C16orf96: variants seen among roughly 807,000 people sequenced by gnomAD.
C16orf96 encodes the protein uncharacterized protein C16orf96.
C16orf96 carries 108 observed loss-of-function variants against 103.6 expected under a neutral mutation model. That is an observed-to-expected ratio of 1.04 (90% CI 0.89 to 1.22). The LOEUF (loss-of-function observed/expected upper bound fraction) is 1.22. Among genes scored for constraint, C16orf96 ranks in the 50% most tolerant of loss-of-function variants. C16orf96 has a pLI of 0.00. For synonymous variants in C16orf96, 566 were observed against 593.5 expected, an observed-to-expected ratio of 0.95 and a Z score of 0.67; for missense variants, 1,586 against 1,464.2, an observed-to-expected ratio of 1.08 and a Z score of -1.36.
rs1354036914 is a variant in C16orf96, at chr16:4,587,112, AG to A, written c.2427+1del. 6.4e-7 allele frequency: 1 copy of A among 1,551,354 alleles called. No homozygotes were observed. Among genetic ancestry groups the A allele is most frequent in the East Asian group, 2.4e-5 (1 of 40,926 alleles). On this transcript the variant is annotated frameshift_variant and splice_region_variant, in exon 8 of 16. Transcript: ENST00000444310. LOFTEE classifies it high-confidence loss of function. ...NKSTMEEELR[E>X]KADRSALAGK... ...AGCACGATGGAGGAGGAGCTGAGAG[AG>A]GTGAGTGAGCAGAGGTTCCTCTGCC...
intron 14 of C16orf96, among the ~76,000 whole-genome samples, chr16:4,597,093 A>C (rs918286467): frequency 1.3e-5 from 2 of 152,144 alleles, no homozygotes; most frequent in African/African-American, 4.8e-5. Flanking sequence ...TTTGGGGAGC[A>C]CATTCAACAC....
In C16orf96 at chr16:4,591,783, A is replaced by G. The variant is rs1341425742; in HGVS notation, c.2710A>G (p.Arg904Gly). Reference sequence around the variant, plus strand: ...TCCTGACAGTGCTGCTGGCTTTAGGAGGTGAGTGCCCGCCCGAGCCCCTCC... The same window carrying G: ...TCCTGACAGTGCTGCTGGCTTTAGGGGGTGAGTGCCCGCCCGAGCCCCTCC... ...LDPDSAAGFR[R>G]KLFKRVKCIS... Residue 904 changes from arginine (R) to glycine (G), a missense_variant and splice_region_variant, in exon 10 of 16, where the codon AGG becomes GGG. Arg to Gly is a moderately radical substitution (Grantham distance 125, BLOSUM62 -2). Coordinates refer to ENST00000444310, the MANE Select transcript of C16orf96 (RefSeq NM_001145011.2). 5.8e-6 allele frequency: 9 copies of G among 1,543,394 alleles called. No individual in the cohort carries two copies. The highest frequency in any genetic ancestry group is 7.9e-6 in the Non-Finnish European group (9 of 1,144,038).
At chr16:4,599,825 TG>T (rs1486599336) in intron 15 of C16orf96, among the ~76,000 whole-genome samples, 3 of 152,228 alleles carry the variant, frequency 2.0e-5, no homozygotes, top group Non-Finnish European at 4.4e-5. Flanking sequence ...AGCTGGGAGC[TG>T]AGCCCAGATC....
intron 15 of C16orf96, 83 bp from the exon 16 acceptor site, chr16:4,600,017 T>C (rs1897250078): frequency 3.8e-6 from 5 of 1,329,728 alleles, no homozygotes; most frequent in Non-Finnish European, 5.2e-6. Flanking sequence ...TTCTCTTCTC[T>C]TTAGTGGGGA....
chr16:4,561,875 A>G (rs2059335906), intron 1 of C16orf96, among the ~76,000 whole-genome samples: 1 of 152,248 alleles, frequency 6.6e-6, no homozygotes, highest in African/African-American at 2.4e-5. Context: ...TGCCTCCTTC[A>G]GGCCTCGGTT....
At position 4,587,103 on chromosome 16, in the gene C16orf96, A is replaced by G. The variant is rs1442472391; in HGVS notation, c.2417A>G (p.Glu806Gly). The G allele has an allele frequency of 1.9e-6, 3 of 1,551,496 alleles. No homozygotes were observed. The South Asian group carries it at 3.6e-5, about 18-fold the overall frequency. ...GTGAATAAGAGCACGATGGAGGAGG[A>G]GCTGAGAGAGGTGAGTGAGCAGAGG... ...NKVNKSTMEEELREKADRSAL... is the reference protein window; with the variant it reads ...NKVNKSTMEEGLREKADRSAL... The change falls in exon 8 of 16, where the codon GAG becomes GGG. Residue 806 changes from glutamate (E) to glycine (G), a missense_variant. Coordinates refer to ENST00000444310, the MANE Select transcript of C16orf96 (RefSeq NM_001145011.2).
chr16:4,552,171 T>A (rs2059231980), upstream of C16orf96, among the ~76,000 whole-genome samples: 1 of 152,242 alleles, frequency 6.6e-6, no homozygotes, highest in East Asian at 1.9e-4. Flanking sequence ...ATGTATGTAA[T>A]TCCGCTCAAT....
chr16:4,599,137 C>T (rs1413464549), intron 14 of C16orf96, 147 bp from the exon 15 acceptor site: 1 of 631,064 alleles, frequency 1.6e-6, no homozygotes, highest in East Asian at 2.9e-5. Flanking sequence ...GAGGGAAGAA[C>T]ATTGATTATC....
At chr16:4,554,419 C>T (rs377642814), upstream of C16orf96, among the ~76,000 whole-genome samples, 6 of 150,082 alleles carry the variant, frequency 4.0e-5, no homozygotes, top group African/African-American at 7.4e-5. Context: ...GGTGCGGTCT[C>T]GGTTCACTGC....
At chr16:4,555,202 G>GCAGT (rs369073213), upstream of C16orf96, among the ~76,000 whole-genome samples, 1,741 of 151,172 alleles carry the variant, frequency 0.012, 41 homozygotes, top group African/African-American at 0.039. Context: ...GGCGGAGGTT[G>GCAGT]CAGTGAGCGG....
chr16:4,545,414 CT>C, the C16orf96 span, among the ~76,000 whole-genome samples: 1 of 152,168 alleles, frequency 6.6e-6, no homozygotes, highest in Non-Finnish European at 1.5e-5. Flanking sequence ...CTGGTGTCAA[CT>C]TCCTGAGCTC....
At chr16:4,548,224 G>C in the C16orf96 span, among the ~76,000 whole-genome samples, 1 of 152,090 alleles carries the variant, frequency 6.6e-6, no homozygotes, top group African/African-American at 2.4e-5. Flanking sequence ...AGGAGCCCAC[G>C]GCTGTCCTGA....
upstream of C16orf96, among the ~76,000 whole-genome samples, chr16:4,554,697 G>A (rs559209765): frequency 7.3e-5 from 11 of 151,614 alleles, no homozygotes; most frequent in Admixed American, 3.9e-4. Context: ...TCTGTCACCA[G>A]GCTGGAGTGC....
In C16orf96 at chr16:4,588,027, A is replaced by T. The variant is rs560704954; in HGVS notation, c.2428-140A>T. 5.1e-5 allele frequency: 36 copies of T among 702,790 alleles called. 1 individual carries two copies. In the South Asian group the frequency reaches 6.6e-4, roughly 13 times the overall value. The allele number at this position is 702,790 out of a possible 1,614,324, so 43.5% of individuals were successfully genotyped here. Reference sequence around the variant, plus strand: ...CGAGATCGTGTTTGAATCCACGTAGACCCCAGGGTTGCATTTAAGCCAAGG... The same window carrying T: ...CGAGATCGTGTTTGAATCCACGTAGTCCCCAGGGTTGCATTTAAGCCAAGG... On this transcript the variant is annotated intron_variant, in intron 8 of 15. Transcript: ENST00000444310.
At chr16:4,539,126 C>T in the C16orf96 span, among the ~76,000 whole-genome samples, 1 of 152,282 alleles carries the variant, frequency 6.6e-6, no homozygotes, top group African/African-American at 2.4e-5. Context: ...ACTGTCCCTG[C>T]GCTTGAAACT....
chr16:4,597,886 C>T (rs1402625755), intron 14 of C16orf96, among the ~76,000 whole-genome samples: 1 of 151,632 alleles, frequency 6.6e-6, no homozygotes, highest in Non-Finnish European at 1.5e-5. Context: ...CTATATATTA[C>T]ATTGAAATTG....
chr16:4,565,238 A>T (rs1170030864), intron 1 of C16orf96, among the ~76,000 whole-genome samples: 1 of 152,144 alleles, frequency 6.6e-6, no homozygotes, highest in East Asian at 1.9e-4. Context: ...AGCTTCTGGA[A>T]GGGCAACTGT....
At position 4,588,220 on chromosome 16, in the gene C16orf96, T is replaced by C. The variant is rs1399425548; in HGVS notation, c.2481T>C (p.Thr827=). 3.9e-6 allele frequency: 6 copies of C among 1,551,612 alleles called. No individual in the cohort carries two copies. The East Asian group carries it at 1.2e-4, about 32-fold the overall frequency. The part of the protein sequence containing the change: ...AGKASRVDLE[T]VALELNEMIQ... ...AGGCAAGCCGCGTTGACCTGGAGACTGTGGCCTTGGAGCTGAACGAGATGA... is the reference window on the plus strand; with the variant it reads ...AGGCAAGCCGCGTTGACCTGGAGACCGTGGCCTTGGAGCTGAACGAGATGA... Residue 827 remains threonine (T), a synonymous_variant, in exon 9 of 16, where the codon ACT becomes ACC. Coordinates refer to ENST00000444310, the MANE Select transcript of C16orf96 (RefSeq NM_001145011.2).
chr16:4,592,031 C>T (rs1433001622), intron 10 of C16orf96, among the ~76,000 whole-genome samples: 1 of 152,198 alleles, frequency 6.6e-6, no homozygotes, highest in Non-Finnish European at 1.5e-5. Flanking sequence ...TCCAGGACCC[C>T]TGACCCCCAC....
Sources: allele counts gnomAD v4.1 joint callset (sites outside exome capture counted in the v4.1 genomes callset), GRCh38; gene constraint gnomAD v4.1.1; transcripts MANE v1.5; gene names NCBI Gene and HGNC (gene_info 2026-07-23, HGNC 2026-07-21).